Variants in GFRA1 observed in about 807,000 individuals in gnomAD.
The protein encoded by GFRA1 is GDNF family receptor alpha 1.
GFRA1 carries 16 observed loss-of-function variants against 51.6 expected under a neutral mutation model. The observed-to-expected ratio is 0.31, with a 90% CI of 0.21 to 0.47. GFRA1 has a LOEUF of 0.47. Ranked by LOEUF, GFRA1 falls within the 20% of genes least tolerant of loss-of-function variation. The probability of loss-of-function intolerance (pLI) is 1.00; values close to 1 mark genes in which losing one functional copy is unlikely to be tolerated. For missense variants in GFRA1, 530 were observed against 594.3 expected (o/e 0.89, Z 1.13); for synonymous variants, 270 against 241.3 (o/e 1.12, Z -1.10).
intron 4 of GFRA1, among the ~76,000 whole-genome samples, chr10:116,259,283 G>A (rs146326019): frequency 3.3e-5 from 5 of 151,068 alleles, no homozygotes; most frequent in African/African-American, 4.9e-5. Context: ...CAAATGAATA[G>A]CACATTAGGG....
chr10:116,126,625 A>T (rs908524000), intron 5 of GFRA1, among the ~76,000 whole-genome samples: 6 of 152,360 alleles, frequency 3.9e-5, no homozygotes, highest in East Asian at 3.9e-4. Context: ...GAGGTGTAGT[A>T]GTGATTCTCT....
At chr10:116,075,579 T>A (rs1454117822) in intron 9 of GFRA1, among the ~76,000 whole-genome samples, 1 of 151,988 alleles carries the variant, frequency 6.6e-6, no homozygotes, top group Non-Finnish European at 1.5e-5. Flanking sequence ...CTGCAGAGGG[T>A]TTGAATTTTA....
chr10:116,094,400 C>A (rs1956488367), intron 7 of GFRA1, among the ~76,000 whole-genome samples: 1 of 152,256 alleles, frequency 6.6e-6, no homozygotes, highest in South Asian at 2.1e-4. Flanking sequence ...TGGAAACAAA[C>A]AGTGGAAATT....
chr10:116,079,410 T>A (rs912236774), intron 9 of GFRA1, among the ~76,000 whole-genome samples: 2 of 152,088 alleles, frequency 1.3e-5, no homozygotes, highest in African/African-American at 4.8e-5. Flanking sequence ...TTTACACTTA[T>A]ATCTCCCTAT....
At chr10:116,226,847 A>G in intron 4 of GFRA1, 1 of 318,578 alleles carries the variant, frequency 3.1e-6, no homozygotes, top group Non-Finnish European at 6.4e-6. Context: ...TTAGATTCTC[A>G]TAAGGAGCAC....
chr10:116,178,605 G>A (rs1284550961), intron 5 of GFRA1, among the ~76,000 whole-genome samples: 1 of 152,178 alleles, frequency 6.6e-6, no homozygotes, highest in African/African-American at 2.4e-5. Flanking sequence ...GGTGAATACC[G>A]TGCAGTGGAT....
intron 5 of GFRA1, among the ~76,000 whole-genome samples, chr10:116,175,344 A>G (rs956954664): frequency 2.6e-5 from 4 of 152,142 alleles, no homozygotes; most frequent in Non-Finnish European, 5.9e-5. Context: ...TTAGCTGTCT[A>G]ACTACGTCCC....
At position 116,125,216 on chromosome 10, in the gene GFRA1, C is replaced by A. The variant is rs376239327; in HGVS notation, c.770+5G>T. On this transcript the variant is annotated splice_donor_5th_base_variant and intron_variant, in intron 6 of 10. Coordinates refer to ENST00000355422, the MANE Select transcript of GFRA1 (RefSeq NM_005264.8). ...ATTAATCACCAGCTGCCAGTGCCCACTTACCTGCAGATGTAATTCGTCTTG... is the reference window on the plus strand; with the variant it reads ...ATTAATCACCAGCTGCCAGTGCCCAATTACCTGCAGATGTAATTCGTCTTG... 3.0e-4 allele frequency: 490 copies of A among 1,612,442 alleles called. No individual in the cohort carries two copies. The highest frequency in any genetic ancestry group is 3.9e-4 in the Non-Finnish European group (461 of 1,178,548).
At position 116,066,511 on chromosome 10, in the gene GFRA1, G is replaced by T. The variant is rs7085666; in HGVS notation, c.1198-885C>A. On this transcript the variant is annotated intron_variant, in intron 9 of 10. Coordinates refer to ENST00000355422, the MANE Select transcript of GFRA1 (RefSeq NM_005264.8). ...TACTGATAATTTCATTATAGGAAAGGTCCCATTGCTCAAATAATTACAGTG... is the reference window on the plus strand; with the variant it reads ...TACTGATAATTTCATTATAGGAAAGTTCCCATTGCTCAAATAATTACAGTG... Among the ~76,000 whole-genome samples the T allele has an allele frequency of 5.2e-3, 788 of 152,250 alleles. 8 individuals are homozygous for T. The highest frequency in any genetic ancestry group is 0.018 in the African/African-American group (735 of 41,534).
chr10:116,215,711 C>T (rs548332119), intron 4 of GFRA1, among the ~76,000 whole-genome samples: 4 of 152,216 alleles, frequency 2.6e-5, no homozygotes, highest in East Asian at 1.9e-4. Context: ...TGCCAGTGGC[C>T]GCTCTAGCCA....
chr10:116,171,700 G>A (rs1177840304), intron 5 of GFRA1, among the ~76,000 whole-genome samples: 4 of 152,190 alleles, frequency 2.6e-5, no homozygotes, highest in Non-Finnish European at 2.9e-5. Flanking sequence ...ACTGTTAGCC[G>A]CTGCTGAGAC....
chr10:116,214,253 A>T (rs1380702160), intron 4 of GFRA1, among the ~76,000 whole-genome samples: 6 of 152,134 alleles, frequency 3.9e-5, no homozygotes, highest in Non-Finnish European at 8.8e-5. Flanking sequence ...CACTGTTTCC[A>T]CTTCTGTGCT....
intron 4 of GFRA1, among the ~76,000 whole-genome samples, chr10:116,216,212 T>A (rs1384870722): frequency 6.6e-6 from 1 of 152,182 alleles, no homozygotes; most frequent in African/African-American, 2.4e-5. Flanking sequence ...TGATTAAACT[T>A]TCTTGAGTGC....
At chr10:116,179,551 C>T (rs1241299920) in intron 5 of GFRA1, among the ~76,000 whole-genome samples, 1 of 152,202 alleles carries the variant, frequency 6.6e-6, no homozygotes, top group Non-Finnish European at 1.5e-5. Context: ...AGAATCCATG[C>T]TCTTCACCGT....
chr10:116,266,235 C>T (rs181115740), intron 4 of GFRA1, among the ~76,000 whole-genome samples: 126 of 152,302 alleles, frequency 8.3e-4, no homozygotes, highest in African/African-American at 2.9e-3. Context: ...TGTGGATAAA[C>T]ATGCTCTTCA....
At chr10:116,153,918 AAAT>A (rs927317846) in intron 5 of GFRA1, among the ~76,000 whole-genome samples, 6 of 152,214 alleles carry the variant, frequency 3.9e-5, no homozygotes, top group Admixed American at 2.0e-4. Context: ...CAATAAAAAG[AAAT>A]AATAATAAGG....
intron 5 of GFRA1, among the ~76,000 whole-genome samples, chr10:116,182,211 GTGC>G (rs1962300312): frequency 6.6e-6 from 1 of 151,640 alleles, no homozygotes; most frequent in South Asian, 2.1e-4. Context: ...CCCTTGTACA[GTGC>G]AATGATGATA....
chr10:116,166,130 A>T (rs1960374064), intron 5 of GFRA1, among the ~76,000 whole-genome samples: 1 of 152,182 alleles, frequency 6.6e-6, no homozygotes, highest in Non-Finnish European at 1.5e-5. Flanking sequence ...ACATGATCTC[A>T]GTCTTGTTTA....
intron 5 of GFRA1, among the ~76,000 whole-genome samples, chr10:116,192,376 CA>C (rs1375054546): frequency 2.0e-5 from 3 of 152,308 alleles, no homozygotes; most frequent in Admixed American, 2.0e-4. Context: ...CCTCAGGTGT[CA>C]GGGGCATTCC....
Sources: allele counts gnomAD v4.1 joint callset (sites outside exome capture counted in the v4.1 genomes callset), GRCh38; gene constraint gnomAD v4.1.1; transcripts MANE v1.5; gene names NCBI Gene and HGNC (gene_info 2026-07-23, HGNC 2026-07-21).